CATIP: variants seen among roughly 807,000 people sequenced by gnomAD.
CATIP encodes the protein ciliogenesis-associated TTC17-interacting protein.
Under a neutral mutation model 42.5 loss-of-function variants are expected in CATIP, and 40 were observed. The observed-to-expected ratio is 0.94, with a 90% CI of 0.73 to 1.22. The LOEUF (loss-of-function observed/expected upper bound fraction) is 1.22, where lower values mean the gene tolerates loss of function less well. Ranked by LOEUF, CATIP falls within the 50% of genes most tolerant of loss-of-function variation. The pLI is 0.00. For missense variants in CATIP, 489 were observed against 496.0 expected, an observed-to-expected ratio of 0.99 and a Z score of 0.13; for synonymous variants, 222 against 200.2, an observed-to-expected ratio of 1.11 and a Z score of -0.92.
At chr2:218,365,305 TC>T (rs1351569667) in intron 7 of CATIP, among the ~76,000 whole-genome samples, 13 of 151,926 alleles carry the variant, frequency 8.6e-5, no homozygotes, top group African/African-American at 2.9e-4. Flanking sequence ...TCCCAGCTAC[TC>T]TGGAGGCTGA....
chr2:218,364,603 A>AC (rs1467242664), intron 6 of CATIP, 25 bp from the exon 7 acceptor site: 1 of 1,611,914 alleles, frequency 6.2e-7, no homozygotes, highest in Non-Finnish European at 8.5e-7. Flanking sequence ...CTTACCTCCC[A>AC]CCCCCCAATT....
At chr2:218,356,976 T>C (rs968334530) in intron 1 of CATIP, 67 bp downstream of exon 1, 1 of 1,600,986 alleles carries the variant, frequency 6.2e-7, no homozygotes. Flanking sequence ...ACCCTCGGGG[T>C]AGTCTTAGAG....
chr2:218,357,019 A>C (rs889159012), intron 1 of CATIP, 76 bp from the exon 2 acceptor site: 1 of 1,565,204 alleles, frequency 6.4e-7, no homozygotes, highest in Non-Finnish European at 8.8e-7. Context: ...GCCAGGACTG[A>C]GGTACCCTGC....
At chr2:218,361,373 C>CAA (rs879790847) in intron 5 of CATIP, among the ~76,000 whole-genome samples, 1 of 129,970 alleles carries the variant, frequency 7.7e-6, no homozygotes, top group African/African-American at 2.8e-5. Context: ...GACTCCGTCT[C>CAA]AAAAAAAAAA....
rs200925303 is a variant in CATIP at position 218,367,803 on chromosome 2, C to T, written c.1003C>T (p.Leu335=). 2.6e-5 allele frequency: 42 copies of T among 1,612,982 alleles called. No homozygotes were observed. The East Asian group carries it at 8.5e-4, about 33-fold the overall frequency. Residue 335 remains leucine, a synonymous_variant, in exon 10 of 10, where the codon CTG becomes TTG. Transcript: ENST00000289388. ...GCTCATCTCCGACTTCCTGCTCTTC[C>T]TGCTGCTGCGCCAGCCGGAGGACGT... ...HALISDFLLF[L]LLRQPEDVVT... is the part of the protein sequence containing the mutation.
chr2:218,365,119 A>T (rs6745172), intron 7 of CATIP, among the ~76,000 whole-genome samples: 1 of 151,972 alleles, frequency 6.6e-6, no homozygotes, highest in Non-Finnish European at 1.5e-5. Flanking sequence ...GCTCCAAATC[A>T]TAAGAAAATT....
At chr2:218,363,764 G>A (rs1034028730) in intron 6 of CATIP, among the ~76,000 whole-genome samples, 4 of 152,038 alleles carry the variant, frequency 2.6e-5, no homozygotes, top group Non-Finnish European at 5.9e-5. Flanking sequence ...AGCTGAGATC[G>A]CACAACTGCA....
At chr2:218,364,857 AG>A (rs1695371011) in intron 7 of CATIP, 105 bp downstream of exon 7, 23 of 1,289,076 alleles carry the variant, frequency 1.8e-5, no homozygotes, top group African/African-American at 4.5e-5. Flanking sequence ...GCATTGAGAT[AG>A]GAGTGTCCCT....
intron 7 of CATIP, chr2:218,366,667 G>C (rs1220012559): frequency 3.0e-6 from 1 of 331,748 alleles, no homozygotes; most frequent in African/African-American, 2.2e-5. Context: ...AGGCTGGGTG[G>C]CTTCAAGAGA....
chr2:218,362,845 C>T lies in CATIP; in HGVS notation c.573C>T (p.Pro191=), dbSNP rs1695282819. 6.2e-7 allele frequency: 1 copy of T among 1,613,966 alleles called. No individual in the cohort carries two copies. The highest frequency in any genetic ancestry group is 1.3e-5 in the African/African-American group (1 of 74,920). The part of the protein sequence containing the change: ...LRVMAWRRMV[P]SNARFLTLDT... ...TGATGGCCTGGCGGCGGATGGTGCCCAGCAATGCCCGCTTCCTGACCTTGG... is the reference window on the plus strand; with the variant it reads ...TGATGGCCTGGCGGCGGATGGTGCCTAGCAATGCCCGCTTCCTGACCTTGG... Residue 191 remains proline, a synonymous_variant, in exon 6 of 10, where the codon CCC becomes CCT. Coordinates refer to ENST00000289388, the MANE Select transcript of CATIP (RefSeq NM_198559.2).
chr2:218,366,613 C>T (rs1162624543), intron 7 of CATIP: 3 of 254,014 alleles, frequency 1.2e-5, no homozygotes, highest in Non-Finnish European at 1.6e-5. Flanking sequence ...TCAAGGGGCA[C>T]TGTCATGTAG....
At chr2:218,360,818 G>A (rs1695207304) in intron 5 of CATIP, among the ~76,000 whole-genome samples, 159 bp downstream of exon 5, 2 of 151,310 alleles carry the variant, frequency 1.3e-5, no homozygotes, top group Non-Finnish European at 2.9e-5. Flanking sequence ...AAAGTGGTTG[G>A]GGCACAGCTT....
chr2:218,360,556 C>T lies in CATIP; in HGVS notation c.376-17C>T. 1.9e-6 allele frequency: 3 copies of T among 1,606,644 alleles called. No homozygotes were observed. Among genetic ancestry groups the T allele is most frequent in the Non-Finnish European group, 2.6e-6 (3 of 1,173,900 alleles). On this transcript the variant is annotated splice_polypyrimidine_tract_variant and intron_variant, in intron 4 of 9. Transcript: ENST00000289388. ...CCAGGGAGTCCCTGATCCTCCCCCG[C>T]ATGCTCTGGCCCTCAGTTCCTCATC...
At chr2:218,357,354 G>A in intron 2 of CATIP, 167 bp downstream of exon 2, 2 of 699,684 alleles carry the variant, frequency 2.9e-6, no homozygotes, top group Non-Finnish European at 4.7e-6. Context: ...TTCAAGGGAA[G>A]GCCCCCCGGG....
chr2:218,366,624 G>A, intron 7 of CATIP: 1 of 297,242 alleles, frequency 3.4e-6, no homozygotes, highest in South Asian at 2.8e-5. Context: ...TGTCATGTAG[G>A]AGTCTGCTTA....
At chr2:218,367,647 T>C in intron 9 of CATIP, 75 bp from the exon 10 acceptor site, 1 of 1,585,744 alleles carries the variant, frequency 6.3e-7, no homozygotes, top group Non-Finnish European at 8.6e-7. Flanking sequence ...TTAGCTCTCC[T>C]TGGAGCGAGC....
In CATIP at chr2:218,367,011, T is replaced by C. The variant is rs775616561; in HGVS notation, c.756-13T>C. The C allele has an allele frequency of 3.7e-6, 6 of 1,608,268 alleles. No homozygotes were observed. Among genetic ancestry groups the C allele is most frequent in the African/African-American group, 2.7e-5 (2 of 74,798 alleles). On this transcript the variant is annotated splice_polypyrimidine_tract_variant and intron_variant, in intron 7 of 9. Transcript: ENST00000289388. ...GGAAGATTCTCACTCTCACATGTTG[T>C]GTTGCACTCCAGGCACCTGGCCAAG...
At chr2:218,358,883 C>CAAAA (rs34797850) in intron 4 of CATIP, among the ~76,000 whole-genome samples, 1 of 123,724 alleles carries the variant, frequency 8.1e-6, no homozygotes, top group Non-Finnish European at 1.6e-5. Context: ...GACCCTGTCT[C>CAAAA]AAAAAAAAAA....
intron 7 of CATIP, chr2:218,365,504 A>G (rs549281689): frequency 3.3e-5 from 5 of 152,272 alleles, no homozygotes; most frequent in African/African-American, 1.2e-4. Flanking sequence ...GACAGACTCC[A>G]GTCGAGTTTA....
Sources: gnomAD v4.1 joint callset for allele counts (sites outside exome capture counted in the v4.1 genomes callset) on GRCh38, gnomAD v4.1.1 for gene constraint, MANE v1.5 for transcripts, NCBI Gene and HGNC (gene_info 2026-07-23, HGNC 2026-07-21) for gene names.